The following SYT1 variants were observed in gnomAD, a reference collection of about 807,000 sequenced individuals.
SYT1 encodes the protein synaptotagmin-1.
SYT1 carries 8 observed loss-of-function variants against 44.8 expected under a neutral mutation model. That is an observed-to-expected ratio of 0.18 (90% CI 0.10 to 0.32). The LOEUF (loss-of-function observed/expected upper bound fraction) is 0.32. Among genes scored for constraint, SYT1 ranks in the 10% least tolerant of loss-of-function variants. The pLI is 1.00. For missense variants in SYT1, 286 were observed against 509.3 expected (o/e 0.56, Z 4.22); for synonymous variants, 154 against 188.8 (o/e 0.82, Z 1.51).
chr12:79,252,122 C>A (rs1266499893), intron 4 of SYT1, among the ~76,000 whole-genome samples: 1 of 151,950 alleles, frequency 6.6e-6, no homozygotes, highest in South Asian at 2.1e-4. Context: ...CACAGCTACA[C>A]GGCCTAAGTT....
At chr12:79,283,508 T>A (rs1038355951) in intron 4 of SYT1, among the ~76,000 whole-genome samples, 1 of 152,156 alleles carries the variant, frequency 6.6e-6, no homozygotes, top group East Asian at 1.9e-4. Context: ...TTTAAGAGAC[T>A]TTTATGTAGC....
At chr12:79,107,328 A>G (rs1053167632) in intron 3 of SYT1, among the ~76,000 whole-genome samples, 4 of 152,018 alleles carry the variant, frequency 2.6e-5, no homozygotes, top group Non-Finnish European at 4.4e-5. Flanking sequence ...ATGGTTATCT[A>G]TTATTGTTCC....
chr12:79,438,828 A>G (rs1226826394), intron 9 of SYT1, among the ~76,000 whole-genome samples: 1 of 152,172 alleles, frequency 6.6e-6, no homozygotes, highest in East Asian at 1.9e-4. Flanking sequence ...TTGGTAAGTC[A>G]TATCCCCGTA....
At chr12:79,221,104 A>G (rs1194697931) in intron 4 of SYT1, among the ~76,000 whole-genome samples, 2 of 152,118 alleles carry the variant, frequency 1.3e-5, no homozygotes, top group African/African-American at 2.4e-5. Flanking sequence ...AGGTGCTCCA[A>G]TGTTAGGTGC....
Position 79,324,775 on chromosome 12 carries a change from C to CA in SYT1, c.810+25234dup, listed in dbSNP as rs200241556. 7.9e-3 allele frequency among the ~76,000 whole-genome samples: 1,115 copies of CA among 141,660 alleles called. 5 individuals are homozygous for CA. Among genetic ancestry groups the CA allele is most frequent in the South Asian group, 0.029 (129 of 4,482 alleles). 92.9% of individuals were successfully genotyped at this position (141,660 alleles called of 152,430 possible). On this transcript the variant is annotated intron_variant, in intron 8 of 10. Coordinates refer to ENST00000261205, the MANE Select transcript of SYT1 (RefSeq NM_005639.3). Reference sequence around the variant, plus strand: ...CGTTGCTGGAAAAAACCATGACTGGCAAAAAAAAAAGCTTTTTGTGAATAT... The same window carrying CA: ...CGTTGCTGGAAAAAACCATGACTGGCAAAAAAAAAAAGCTTTTTGTGAATAT...
chr12:79,280,769 A>G (rs1879006180), intron 4 of SYT1, among the ~76,000 whole-genome samples: 1 of 152,030 alleles, frequency 6.6e-6, no homozygotes. Flanking sequence ...CAAACGGCTA[A>G]TATCCAAGAT....
chr12:79,023,371 A>G (rs1325267229), intron 2 of SYT1, among the ~76,000 whole-genome samples: 5 of 151,836 alleles, frequency 3.3e-5, no homozygotes. Flanking sequence ...TAGAGAGACC[A>G]TCTGGAGATC....
intron 3 of SYT1, among the ~76,000 whole-genome samples, chr12:79,196,139 A>T (rs1264809150): frequency 7.0e-6 from 1 of 142,044 alleles, no homozygotes; most frequent in Non-Finnish European, 1.5e-5. Flanking sequence ...AGCTATGTAC[A>T]TTTCTAATTC....
chr12:79,265,891 A>G (rs1878099074), intron 4 of SYT1, among the ~76,000 whole-genome samples: 1 of 152,220 alleles, frequency 6.6e-6, no homozygotes, highest in South Asian at 2.1e-4. Flanking sequence ...AGGATCTGCT[A>G]TGCAAAAATT....
chr12:78,894,564 A>T, intron 1 of SYT1, among the ~76,000 whole-genome samples: 1 of 151,494 alleles, frequency 6.6e-6, no homozygotes, highest in Non-Finnish European at 1.5e-5. Flanking sequence ...ACTCCTCACG[A>T]TTAAATGAAA....
intron 3 of SYT1, among the ~76,000 whole-genome samples, chr12:79,148,075 A>T (rs186376638): frequency 7.6e-4 from 116 of 152,218 alleles, no homozygotes; most frequent in Non-Finnish European, 1.5e-3. Context: ...AAAAAGACAA[A>T]AAGTTTGTGA....
chr12:78,896,844 C>T (rs577359282), intron 1 of SYT1, among the ~76,000 whole-genome samples: 4 of 151,632 alleles, frequency 2.6e-5, no homozygotes, highest in Admixed American at 6.6e-5. Context: ...TTTTACTTTA[C>T]GATTTCTATA....
chr12:79,190,063 A>G (rs1873021794), intron 3 of SYT1, among the ~76,000 whole-genome samples: 1 of 152,172 alleles, frequency 6.6e-6, no homozygotes, highest in African/African-American at 2.4e-5. Flanking sequence ...CTCTGCCTTC[A>G]GTCTAGATGA....
intron 3 of SYT1, among the ~76,000 whole-genome samples, chr12:79,166,740 A>C (rs565152755): frequency 1.3e-5 from 2 of 152,144 alleles, no homozygotes; most frequent in South Asian, 4.1e-4. Context: ...GATGTGTATG[A>C]AAGACTCCAG....
intron 3 of SYT1, among the ~76,000 whole-genome samples, chr12:79,090,867 CA>C (rs1877728705): frequency 6.6e-6 from 1 of 151,840 alleles, no homozygotes; most frequent in African/African-American, 2.4e-5. Context: ...TAATAGCCCT[CA>C]AAAAGAGTAG....
intron 4 of SYT1, 119 bp downstream of exon 4, chr12:79,217,804 G>A: frequency 1.4e-6 from 1 of 706,694 alleles, no homozygotes; most frequent in Non-Finnish European, 2.1e-6. Flanking sequence ...TTATTACTAT[G>A]GGAATGATAG....
chr12:78,869,622 G>A (rs1203235066), intron 1 of SYT1, among the ~76,000 whole-genome samples: 3 of 151,782 alleles, frequency 2.0e-5, no homozygotes, highest in African/African-American at 4.8e-5. Flanking sequence ...TTTTAAAAAA[G>A]CAATATTTAA....
At chr12:79,272,049 C>T (rs1047305852) in intron 4 of SYT1, among the ~76,000 whole-genome samples, 3 of 152,060 alleles carry the variant, frequency 2.0e-5, no homozygotes, top group Non-Finnish European at 1.5e-5. Context: ...TTGAAAAATC[C>T]ATCAATGCTA....
chr12:79,260,163 T>A (rs917706713), intron 4 of SYT1, among the ~76,000 whole-genome samples: 1 of 152,220 alleles, frequency 6.6e-6, no homozygotes, highest in Non-Finnish European at 1.5e-5. Flanking sequence ...TTCATTGAAC[T>A]TCAAAGAAAA....
Sources: allele counts gnomAD v4.1 joint callset (sites outside exome capture counted in the v4.1 genomes callset), GRCh38; gene constraint gnomAD v4.1.1; transcripts MANE v1.5; gene names NCBI Gene and HGNC (gene_info 2026-07-23, HGNC 2026-07-21).